The following CSMD2 variants were observed in gnomAD, a reference collection of about 807,000 sequenced individuals.
CSMD2 encodes CUB and sushi domain-containing protein 2.
Under a neutral mutation model 398.5 loss-of-function variants are expected in CSMD2, and 130 were observed. The observed-to-expected ratio is 0.33, with a 90% CI of 0.28 to 0.38. The LOEUF is 0.38. Among genes scored for constraint, CSMD2 ranks in the 10% least tolerant of loss-of-function variants. The probability of loss-of-function intolerance (pLI) is 1.00; values close to 1 mark genes in which losing one functional copy is unlikely to be tolerated. For synonymous variants in CSMD2, 1,828 were observed against 1,908.5 expected, an observed-to-expected ratio of 0.96 and a Z score of 1.10; for missense variants, 3,829 against 4,764.9, an observed-to-expected ratio of 0.80 and a Z score of 5.78.
intron 49 of CSMD2, among the ~76,000 whole-genome samples, chr1:33,575,878 G>C (rs1660024590): frequency 1.3e-5 from 2 of 152,180 alleles, no homozygotes; most frequent in Admixed American, 1.3e-4. Flanking sequence ...TTAGAGATGA[G>C]AGATGTCATT....
chr1:34,068,897 C>T (rs1481853444), intron 2 of CSMD2, among the ~76,000 whole-genome samples: 1 of 152,204 alleles, frequency 6.6e-6, no homozygotes, highest in Non-Finnish European at 1.5e-5. Flanking sequence ...GTGACTTGCT[C>T]CTCCTTGCCG....
At chr1:33,580,376 C>A (rs187968740) in intron 48 of CSMD2, among the ~76,000 whole-genome samples, 113 of 152,310 alleles carry the variant, frequency 7.4e-4, no homozygotes, top group Non-Finnish European at 1.1e-3. Context: ...AGGCACCTGG[C>A]CTTGAAATAT....
chr1:33,541,470 A>C (rs1215455266), intron 58 of CSMD2, among the ~76,000 whole-genome samples, 161 bp from the exon 59 acceptor site: 1 of 151,992 alleles, frequency 6.6e-6, no homozygotes, highest in Non-Finnish European at 1.5e-5. Flanking sequence ...ACCCATTCTA[A>C]ATTTCTTTTT....
At chr1:33,548,635 G>A (rs906236451) in intron 56 of CSMD2, among the ~76,000 whole-genome samples, 17 of 152,182 alleles carry the variant, frequency 1.1e-4, no homozygotes, top group African/African-American at 3.9e-4. Flanking sequence ...CAGGAAGGGA[G>A]GAACTATCTC....
rs542900133 is a variant in CSMD2 at position 33,742,580 on chromosome 1, C to A, written c.2173+700G>T. On this transcript the variant is annotated intron_variant, in intron 14 of 70. Coordinates refer to ENST00000373381, the MANE Select transcript of CSMD2 (RefSeq NM_001281956.2). The stretch of plus-strand genomic sequence containing the variant: ...TATTTCTAGTCACCAAGCTTCTGCC[C>A]CCCCCCCCCCAACCCCCTCTGTAAC... 6.3e-5 allele frequency among the ~76,000 whole-genome samples: 7 copies of A among 111,170 alleles called. No homozygotes were observed. In the East Asian group the frequency reaches 1.1e-3, roughly 17 times the overall value. The allele number at this position is 111,170 out of a possible 152,430, so 72.9% of individuals were successfully genotyped here.
intron 2 of CSMD2, among the ~76,000 whole-genome samples, chr1:34,043,614 G>A (rs537571681): frequency 7.9e-5 from 12 of 152,082 alleles, no homozygotes; most frequent in Non-Finnish European, 1.8e-4. Context: ...AATAAATGAC[G>A]GTTTCACTAT....
intron 3 of CSMD2, among the ~76,000 whole-genome samples, chr1:33,993,807 C>T (rs920911803): frequency 3.3e-5 from 5 of 152,056 alleles, no homozygotes; most frequent in Admixed American, 2.0e-4. Context: ...TCTCCTAGAC[C>T]CCCTTGGAAA....
chr1:33,819,657 G>C, intron 9 of CSMD2, 56 bp downstream of exon 9: 1 of 1,554,504 alleles, frequency 6.4e-7, no homozygotes, highest in Non-Finnish European at 8.8e-7. Flanking sequence ...CTGGGCTTCA[G>C]CCTCCAGGCT....
intron 27 of CSMD2, 22 bp from the exon 28 acceptor site, chr1:33,652,483 G>C (rs1643813368): frequency 1.2e-6 from 2 of 1,611,154 alleles, no homozygotes; most frequent in South Asian, 2.2e-5. Flanking sequence ...AGAAGACGAG[G>C]GTGAGGCTGC....
chr1:33,643,765 C>T (rs890616189), intron 29 of CSMD2, among the ~76,000 whole-genome samples: 1 of 152,102 alleles, frequency 6.6e-6, no homozygotes, highest in African/African-American at 2.4e-5. Flanking sequence ...GGGATCCTGG[C>T]ATAGGCAGAA....
intron 27 of CSMD2, 148 bp from the exon 28 acceptor site, chr1:33,652,609 G>A: frequency 1.3e-6 from 1 of 798,324 alleles, no homozygotes; most frequent in South Asian, 1.9e-5. Flanking sequence ...AAGGTGAAAT[G>A]ATGGACTTCT....
At chr1:34,085,384 T>C (rs1047126880) in intron 2 of CSMD2, among the ~76,000 whole-genome samples, 2 of 150,678 alleles carry the variant, frequency 1.3e-5, no homozygotes, top group Non-Finnish European at 3.0e-5. Flanking sequence ...AGTACAATAA[T>C]AATAATAATA....
intron 3 of CSMD2, among the ~76,000 whole-genome samples, chr1:34,024,054 A>G (rs1245957979): frequency 6.6e-6 from 1 of 152,208 alleles, no homozygotes; most frequent in Non-Finnish European, 1.5e-5. Context: ...AGACTTGCCC[A>G]AGGTCTCACA....
chr1:33,646,539 T>A lies in CSMD2; in HGVS notation c.4774+109A>T, dbSNP rs373835183. On this transcript the variant is annotated intron_variant, in intron 29 of 70. Transcript: ENST00000373381. Reference sequence around the variant, plus strand: ...GGCGGCAGCAGTGCTAGGGTTGGTGTGGGCTTGCTGTGGTCCAGCCCAGGG... The same window carrying A: ...GGCGGCAGCAGTGCTAGGGTTGGTGAGGGCTTGCTGTGGTCCAGCCCAGGG... 75 of 1,199,742 alleles carry A rather than the reference T, an allele frequency of 6.3e-5. 1 individual carries two copies. The highest frequency in any genetic ancestry group is 8.9e-5 in the Non-Finnish European group (75 of 841,614). 74.3% of individuals were successfully genotyped at this position (1,199,742 alleles called of 1,614,324 possible).
intron 19 of CSMD2, 134 bp downstream of exon 19, chr1:33,724,063 G>A (rs1646444400): frequency 3.0e-6 from 2 of 674,612 alleles, no homozygotes; most frequent in Non-Finnish European, 5.4e-6. Flanking sequence ...AAGTTTTCTT[G>A]TTGGTGAGAA....
intron 66 of CSMD2, 25 bp from the exon 67 acceptor site, chr1:33,523,444 C>G: frequency 9.3e-7 from 1 of 1,079,552 alleles, no homozygotes; most frequent in East Asian, 2.5e-5. Flanking sequence ...TCAGGTGTTA[C>G]ACATGAAAGA....
At chr1:33,601,129 C>A in intron 43 of CSMD2, 119 bp from the exon 44 acceptor site, 1 of 1,308,556 alleles carries the variant, frequency 7.6e-7, no homozygotes, top group South Asian at 1.4e-5. Context: ...CTTTTTGTAC[C>A]AACACTTCCC....
intron 3 of CSMD2, among the ~76,000 whole-genome samples, chr1:33,998,989 A>C (rs939508177): frequency 3.3e-5 from 5 of 152,170 alleles, no homozygotes; most frequent in African/African-American, 7.2e-5. Flanking sequence ...GTCCTTAATA[A>C]GGACATTGAA....
intron 1 of CSMD2, among the ~76,000 whole-genome samples, chr1:34,091,282 T>G (rs1658526351): frequency 1.3e-5 from 2 of 152,190 alleles, no homozygotes; most frequent in Non-Finnish European, 2.9e-5. Flanking sequence ...TCTCAATAAT[T>G]TAATATTTTG....
Sources: allele counts gnomAD v4.1 joint callset (sites outside exome capture counted in the v4.1 genomes callset), GRCh38; gene constraint gnomAD v4.1.1; transcripts MANE v1.5; gene names NCBI Gene and HGNC (gene_info 2026-07-23, HGNC 2026-07-21).